Variants in ADAM2 observed in about 807,000 individuals in gnomAD.
The protein encoded by ADAM2 is disintegrin and metalloproteinase domain-containing protein 2.
A neutral mutation model predicts 99.3 loss-of-function variants in ADAM2; 101 were observed. That is an observed-to-expected ratio of 1.02 (90% confidence interval 0.87 to 1.20). The LOEUF is 1.20. ADAM2 is among the 50% of genes most tolerant of loss of function. The pLI is 0.00. For synonymous variants in ADAM2, 323 were observed against 287.6 expected (o/e 1.12, Z -1.25); for missense variants, 948 against 878.7 (o/e 1.08, Z -1.00).
chr8:39,767,896 T>TCTCA (rs146651173), intron 12 of ADAM2, among the ~76,000 whole-genome samples: 3 of 147,784 alleles, frequency 2.0e-5, no homozygotes, highest in Non-Finnish European at 4.5e-5. Context: ...GACAATGCAT[T>TCTCA]CACACACACA....
chr8:39,809,556 A>G (rs1248100683), intron 6 of ADAM2, 90 bp from the exon 7 acceptor site: 4 of 605,832 alleles, frequency 6.6e-6, no homozygotes, highest in Non-Finnish European at 1.2e-5. Context: ...CTAAATATTG[A>G]AAAACACAAT....
chr8:39,787,386 T>G (rs759233055), intron 9 of ADAM2, among the ~76,000 whole-genome samples: 2 of 151,464 alleles, frequency 1.3e-5, no homozygotes, highest in African/African-American at 4.8e-5. Flanking sequence ...CAATGCAACT[T>G]GTTAATGAGC....
chr8:39,753,835 A>T (rs573933159), intron 16 of ADAM2, among the ~76,000 whole-genome samples: 2 of 152,184 alleles, frequency 1.3e-5, no homozygotes, highest in Admixed American at 6.5e-5. Flanking sequence ...ACACACTCAC[A>T]CACACACACA....
Position 39,775,353 on chromosome 8 carries a change from T to A in ADAM2, c.1028+1672A>T, listed in dbSNP as rs1041656732. ...ATTCTAAATAAATCCACATACTTCT[T>A]CCCTACACTTTCTTGTCTTTAAATG... is the stretch of plus-strand genomic sequence containing the variant. On this transcript the variant is annotated intron_variant, in intron 11 of 20. Coordinates refer to ENST00000265708, the MANE Select transcript of ADAM2 (RefSeq NM_001464.5). Among the ~76,000 whole-genome samples, 4 of 152,270 alleles carry A rather than the reference T, an allele frequency of 2.6e-5. No homozygotes were observed. In the East Asian group the frequency reaches 7.7e-4, roughly 29 times the overall value.
intron 6 of ADAM2, among the ~76,000 whole-genome samples, chr8:39,816,507 A>G (rs1405764659): frequency 6.6e-6 from 1 of 152,180 alleles, no homozygotes; most frequent in Non-Finnish European, 1.5e-5. Flanking sequence ...ACATATATTA[A>G]TGTTCCTAGC....
chr8:39,767,322 G>T, intron 12 of ADAM2, 71 bp from the exon 13 acceptor site: 3 of 1,295,034 alleles, frequency 2.3e-6, no homozygotes, highest in Middle Eastern at 1.8e-4. Context: ...TGTTCATAAA[G>T]ACAACATATT....
chr8:39,775,329 T>C (rs1802944738), intron 11 of ADAM2, among the ~76,000 whole-genome samples: 1 of 151,844 alleles, frequency 6.6e-6, no homozygotes, highest in Non-Finnish European at 1.5e-5. Flanking sequence ...GTTGTGCCCA[T>C]TCTAAATAAA....
chr8:39,836,602 G>A (rs1019878678), intron 2 of ADAM2, among the ~76,000 whole-genome samples: 3 of 151,590 alleles, frequency 2.0e-5, no homozygotes, highest in African/African-American at 7.3e-5. Flanking sequence ...CTAGAACTTA[G>A]TGAAAATGAT....
chr8:39,837,257 T>G, intron 1 of ADAM2, 45 bp from the exon 2 acceptor site: 1 of 1,391,202 alleles, frequency 7.2e-7, no homozygotes, highest in East Asian at 2.3e-5. Context: ...GCCCATCATT[T>G]CAGAGCGTGT....
chr8:39,787,630 TA>T (rs1392258367), intron 9 of ADAM2, among the ~76,000 whole-genome samples: 3 of 151,330 alleles, frequency 2.0e-5, no homozygotes, highest in African/African-American at 7.3e-5. Flanking sequence ...GTCTATTAAA[TA>T]GAAAGGAAGG....
intron 7 of ADAM2, among the ~76,000 whole-genome samples, chr8:39,808,673 T>G (rs1214583433): frequency 6.6e-6 from 1 of 152,128 alleles, no homozygotes; most frequent in Non-Finnish European, 1.5e-5. Flanking sequence ...GTCCCAGCAC[T>G]TTGGGAGGCC....
At position 39,821,123 on chromosome 8, in the gene ADAM2, T is replaced by C. The variant is rs1805169229; in HGVS notation, c.392A>G (p.Glu131Gly). 1 of 1,610,984 alleles carries C rather than the reference T, an allele frequency of 6.2e-7. No individual in the cohort carries two copies. The highest frequency in any genetic ancestry group is 8.5e-7 in the Non-Finnish European group (1 of 1,178,510). The change falls in exon 6 of 21, where the codon GAG becomes GGG. Residue 131 changes from glutamate (E) to glycine (G), a missense_variant. Transcript: ENST00000265708. ...TACATGTTCAAAGCCAACTGAAGACTCCAGGGGTTCTATTCCATAACTAAC... is the reference window on the plus strand; with the variant it reads ...TACATGTTCAAAGCCAACTGAAGACCCCAGGGGTTCTATTCCATAACTAAC... ...ENVSYGIEPL[E>G]SSVGFEHVIY...
At chr8:39,779,030 A>G (rs1803112949) in intron 10 of ADAM2, among the ~76,000 whole-genome samples, 1 of 151,440 alleles carries the variant, frequency 6.6e-6, no homozygotes, top group Non-Finnish European at 1.5e-5. Context: ...CTTCATGTTC[A>G]GTTGCTCTTG....
At chr8:39,818,075 C>T (rs979560107) in intron 6 of ADAM2, 7 of 151,826 alleles carry the variant, frequency 4.6e-5, no homozygotes, top group East Asian at 1.9e-4. Flanking sequence ...CAACTCATTT[C>T]GTGAAGTTTG....
At position 39,824,805 on chromosome 8, in the gene ADAM2, C is replaced by T; in HGVS notation, c.267+14G>A. The T allele has an allele frequency of 7.1e-7, 1 of 1,415,386 alleles. No homozygotes were observed. The highest frequency in any genetic ancestry group is 9.9e-7 in the Non-Finnish European group (1 of 1,007,918). The allele number at this position is 1,415,386 out of a possible 1,614,324, so 87.7% of individuals were successfully genotyped here. ...CTCACATGACAAAAATAAAAGAGAT[C>T]ATAAAAAACATACCTGAAAATCTTG... On this transcript the variant is annotated intron_variant, in intron 4 of 20. Transcript: ENST00000265708.
intron 11 of ADAM2, among the ~76,000 whole-genome samples, chr8:39,773,745 T>G (rs138275168): frequency 1.3e-5 from 2 of 152,032 alleles, no homozygotes; most frequent in African/African-American, 4.8e-5. Flanking sequence ...AGTTATCCAG[T>G]TCCGGACAGC....
At chr8:39,744,976 A>T in intron 19 of ADAM2, 83 bp from the exon 20 acceptor site, 2 of 1,148,934 alleles carry the variant, frequency 1.7e-6, no homozygotes, top group East Asian at 2.4e-5. Flanking sequence ...GTCTTGAAAC[A>T]GTTCTGAATT....
intron 19 of ADAM2, among the ~76,000 whole-genome samples, chr8:39,745,987 A>G (rs974436776): frequency 1.8e-4 from 27 of 146,044 alleles, no homozygotes; most frequent in African/African-American, 6.1e-4. Flanking sequence ...ATGCATGTGT[A>G]TGTGTGTGTG....
rs776752663 is a variant in ADAM2, at chr8:39,755,890, T to C, written c.1635A>G (p.Leu545=). The change falls in exon 16 of 21, where the codon TTA becomes TTG. Residue 545 remains leucine, a synonymous_variant. Coordinates refer to ENST00000265708, the MANE Select transcript of ADAM2 (RefSeq NM_001464.5). The part of the protein sequence containing the change: ...CEADNLQCGK[L]ICKYVGKFLL... ...AAAATTTACCTACATATTTACATATTAATTTTCCGCACTGCAGATTGCTAT... is the reference window on the plus strand; with the variant it reads ...AAAATTTACCTACATATTTACATATCAATTTTCCGCACTGCAGATTGCTAT... 1.9e-6 allele frequency: 3 copies of C among 1,557,832 alleles called. No homozygotes were observed. In the Admixed American group the frequency reaches 5.1e-5, roughly 27 times the overall value.
Sources: gnomAD v4.1 joint callset for allele counts (sites outside exome capture counted in the v4.1 genomes callset) on GRCh38, gnomAD v4.1.1 for gene constraint, MANE v1.5 for transcripts, NCBI Gene and HGNC (gene_info 2026-07-23, HGNC 2026-07-21) for gene names.